COL1A1: variants seen among roughly 807,000 people sequenced by gnomAD.
The protein encoded by COL1A1 is collagen type I alpha 1 chain.
In COL1A1, 21 loss-of-function variants were observed where a neutral mutation model predicts 195.7. The observed-to-expected ratio is 0.11, with a 90% confidence interval of 0.08 to 0.15. The LOEUF (loss-of-function observed/expected upper bound fraction) is 0.15, where lower values mean the gene tolerates loss of function less well. Among genes scored for constraint, COL1A1 ranks in the 10% least tolerant of loss-of-function variants. The probability of loss-of-function intolerance (pLI) is 1.00; values close to 1 mark genes in which losing one functional copy is unlikely to be tolerated. For synonymous variants in COL1A1, 749 were observed against 747.3 expected (o/e 1.00, Z -0.04); for missense variants, 1,365 against 2,051.0 (o/e 0.67, Z 6.46).
Position 50,184,472 on chromosome 17 carries a change from CCA to C in COL1A1, c.*1028_*1029del, listed in dbSNP as rs878983048. On this transcript the variant is annotated 3_prime_UTR_variant, in exon 51 of 51. Coordinates refer to ENST00000225964, the MANE Select transcript of COL1A1 (RefSeq NM_000088.4). The stretch of plus-strand genomic sequence containing the variant: ...TTTAGAAAAATTCACAAGTCCCCAT[CCA>C]CAAAAAAAAAAAAAAAAAAAGAAAA... 1.1e-3 allele frequency: 209 copies of C among 196,578 alleles called. No individual in the cohort carries two copies. The highest frequency in any genetic ancestry group is 3.9e-3 in the East Asian group (61 of 15,518). The allele number at this position is 196,578 out of a possible 1,614,324, so 12.2% of individuals were successfully genotyped here.
chr17:50,191,718 C>A, intron 31 of COL1A1, 70 bp downstream of exon 31: 3 of 1,505,214 alleles, frequency 2.0e-6, no homozygotes, highest in Non-Finnish European at 2.7e-6. Context: ...GGCCCGCCAT[C>A]CCCTGCTGCA....
Position 50,188,201 on chromosome 17 carries a change from G to A in COL1A1, c.3208-52C>T. On this transcript the variant is annotated intron_variant, in intron 43 of 50. Transcript: ENST00000225964. This position sits in a 1 kb window ranked among gnomAD's most constrained non-coding sequence, Gnocchi z 5.6. ...TCTTGGCCAGGGAAGGCTGAGGCTGGGGCTGCAGGATGAGGCCTCCCCTCT... is the reference window on the plus strand; with the variant it reads ...TCTTGGCCAGGGAAGGCTGAGGCTGAGGCTGCAGGATGAGGCCTCCCCTCT... 1 of 1,486,542 alleles carries A rather than the reference G, an allele frequency of 6.7e-7. No homozygotes were observed. Among genetic ancestry groups the A allele is most frequent in the South Asian group, 1.3e-5 (1 of 77,944 alleles). The allele number at this position is 1,486,542 out of a possible 1,614,324, so 92.1% of individuals were successfully genotyped here.
Position 50,194,834 on chromosome 17 carries a change from G to A in COL1A1, c.1354-6C>T. Reference sequence around the variant, plus strand: ...CCTTGAACACCAACAGGGCCCTGGAGAGGGCCGAGAGGAGGAGGCGGCCTG... The same window carrying A: ...CCTTGAACACCAACAGGGCCCTGGAAAGGGCCGAGAGGAGGAGGCGGCCTG... On this transcript the variant is annotated splice_polypyrimidine_tract_variant and splice_region_variant and intron_variant, in intron 20 of 50. Coordinates refer to ENST00000225964, the MANE Select transcript of COL1A1 (RefSeq NM_000088.4). The surrounding 1 kb of genome is among the most constrained non-coding windows in gnomAD (Gnocchi z 6.8). The A allele has an allele frequency of 6.4e-7, 1 of 1,567,706 alleles. No homozygotes were observed. Among genetic ancestry groups the A allele is most frequent in the Non-Finnish European group, 8.7e-7 (1 of 1,155,760 alleles).
rs2075555 is a variant in COL1A1, at chr17:50,196,930, T to G, written c.804+80A>C. ...TGCCACCCACCATGATGCAACTCAG[T>G]ATCTTTTGGGGAAGAGGTTGGGACT... is the stretch of plus-strand genomic sequence containing the variant. On this transcript the variant is annotated intron_variant, in intron 11 of 50. Transcript: ENST00000225964. The G allele has an allele frequency of 0.84, 1,277,058 of 1,518,086 alleles. 540,505 individuals are homozygous for G. Among genetic ancestry groups the G allele is most frequent in the Non-Finnish European group, 0.87 (953,083 of 1,095,722 alleles). 94.0% of individuals were successfully genotyped at this position (1,518,086 alleles called of 1,614,324 possible). A position where few individuals can be genotyped will look rare whatever the true frequency, so the allele number is the denominator to read the frequency against.
In COL1A1 at chr17:50,188,201, G is replaced by C; in HGVS notation, c.3208-52C>G. ...TCTTGGCCAGGGAAGGCTGAGGCTG[G>C]GGCTGCAGGATGAGGCCTCCCCTCT... On this transcript the variant is annotated intron_variant, in intron 43 of 50. Coordinates refer to ENST00000225964, the MANE Select transcript of COL1A1 (RefSeq NM_000088.4). This position sits in a 1 kb window ranked among gnomAD's most constrained non-coding sequence, Gnocchi z 5.6. 1.3e-6 allele frequency: 2 copies of C among 1,486,540 alleles called. No homozygotes were observed. The highest frequency in any genetic ancestry group is 1.8e-6 in the Non-Finnish European group (2 of 1,102,910). 92.1% of individuals were successfully genotyped at this position (1,486,540 alleles called of 1,614,324 possible).
Position 50,194,963 on chromosome 17 carries a change from G to T in COL1A1, c.1353+84C>A. On this transcript the variant is annotated intron_variant, in intron 20 of 50. Coordinates refer to ENST00000225964, the MANE Select transcript of COL1A1 (RefSeq NM_000088.4). The surrounding 1 kb of genome is among the most constrained non-coding windows in gnomAD (Gnocchi z 6.8). The stretch of plus-strand genomic sequence containing the variant: ...CAGGGACTCCCCCAGAAGACTAGGG[G>T]CTCCTCTTCCTTTCTGGATTTCCCT... 3 of 1,498,486 alleles carry T rather than the reference G, an allele frequency of 2.0e-6. No homozygotes were observed. The highest frequency in any genetic ancestry group is 1.1e-5 in the South Asian group (1 of 88,790). 92.8% of individuals were successfully genotyped at this position (1,498,486 alleles called of 1,614,324 possible). A position where few individuals can be genotyped will look rare whatever the true frequency, so the allele number is the denominator to read the frequency against.
chr17:50,189,871 G>A lies in COL1A1; in HGVS notation c.2601C>T (p.Ser867=), dbSNP rs747037929. 18 of 1,607,358 alleles carry A rather than the reference G, an allele frequency of 1.1e-5. No individual in the cohort carries two copies. The Admixed American group carries it at 1.5e-4, about 14-fold the overall frequency. ...GAPGAKGARG[S]AGPPGATGFP... The stretch of plus-strand genomic sequence containing the variant: ...GGGTGATACTCACAGGGGGACCAGC[G>A]CTGCCGCGAGCACCTTTGGCTCCAG... Residue 867 remains serine, a synonymous_variant, in exon 37 of 51, where the codon AGC becomes AGT. Transcript: ENST00000225964. The surrounding 1 kb of genome is among the most constrained non-coding windows in gnomAD (Gnocchi z 5.5).
At position 50,190,354 on chromosome 17, in the gene COL1A1, G is replaced by A. The variant is rs369699409; in HGVS notation, c.2424C>T (p.Pro808=). The change falls in exon 35 of 51, where the codon CCC becomes CCT. Residue 808 remains proline, a synonymous_variant. Transcript: ENST00000225964. This position sits in a 1 kb window ranked among gnomAD's most constrained non-coding sequence, Gnocchi z 4.7. ...APGDRGEPGP[P]GPAGFAGPPG... ...GGGGGCCAGCAAAGCCAGCAGGGCC[G>A]GGGGGACCAGGCTCACCACGGTCTC... The A allele has an allele frequency of 6.0e-5, 96 of 1,605,668 alleles. 1 individual carries two copies. Among genetic ancestry groups the A allele is most frequent in the Admixed American group, 1.2e-4 (7 of 59,884 alleles).
At chr17:50,191,943 C>T (rs373802214) in intron 30 of COL1A1, 37 bp downstream of exon 30, 127 of 1,610,540 alleles carry the variant, frequency 7.9e-5, no homozygotes, top group Non-Finnish European at 1.0e-4. Flanking sequence ...CCAAGTACGA[C>T]GCACCTTGAC....
intron 6 of COL1A1, 102 bp downstream of exon 6, chr17:50,198,331 G>A (rs1907780703): frequency 6.5e-7 from 1 of 1,540,168 alleles, no homozygotes. Flanking sequence ...AGGTCCCAAA[G>A]GTGATCTGGA....
chr17:50,188,508 G>A lies in COL1A1; in HGVS notation c.3207+22C>T. 1 of 1,609,712 alleles carries A rather than the reference G, an allele frequency of 6.2e-7. No individual in the cohort carries two copies. Among genetic ancestry groups the A allele is most frequent in the South Asian group, 1.1e-5 (1 of 91,000 alleles). On this transcript the variant is annotated intron_variant, in intron 43 of 50. Coordinates refer to ENST00000225964, the MANE Select transcript of COL1A1 (RefSeq NM_000088.4). This position sits in a 1 kb window ranked among gnomAD's most constrained non-coding sequence, Gnocchi z 5.6. ...AGTCCCTGGCCTGACCAGGTACAGG[G>A]AACTGGAGCCCAGCTACTTACAGTC...
intron 8 of COL1A1, 76 bp from the exon 9 acceptor site, chr17:50,197,861 G>A (rs1907730957): frequency 1.3e-6 from 2 of 1,584,304 alleles, no homozygotes; most frequent in South Asian, 2.2e-5. Flanking sequence ...AAGGGAAGAG[G>A]TAAGGAAGAC....
At position 50,188,569 on chromosome 17, in the gene COL1A1, G is replaced by A. The variant is rs913216741; in HGVS notation, c.3168C>T (p.Pro1056=). 5.6e-6 allele frequency: 9 copies of A among 1,613,904 alleles called. No individual in the cohort carries two copies. The highest frequency in any genetic ancestry group is 2.2e-5 in the East Asian group (1 of 44,882). The part of the protein sequence containing the change: ...GAPGAPGAPG[P]VGPAGKSGDR... ...CACCACTCTTGCCAGCAGGGCCAAC[G>A]GGGCCAGGGGCACCAGGAGCACCAG... is the stretch of plus-strand genomic sequence containing the variant. Residue 1056 remains proline (P), a synonymous_variant, in exon 43 of 51, where the codon CCC becomes CCT. Transcript: ENST00000225964. The surrounding 1 kb of genome is among the most constrained non-coding windows in gnomAD (Gnocchi z 5.6).
intron 2 of COL1A1, 67 bp downstream of exon 2, chr17:50,199,686 A>G: frequency 6.3e-7 from 1 of 1,597,782 alleles, no homozygotes; most frequent in South Asian, 1.1e-5. Flanking sequence ...AGCGCCGACC[A>G]CCCCCAGCCC....
intron 15 of COL1A1, 82 bp downstream of exon 15, chr17:50,196,073 C>A (rs1200415025): frequency 1.2e-6 from 2 of 1,607,512 alleles, no homozygotes; most frequent in African/African-American, 2.7e-5. Context: ...ACCAACATAA[C>A]CTGCTCCCAT....
Position 50,187,523 on chromosome 17 carries a change from T to C in COL1A1, c.3384A>G (p.Glu1128=), listed in dbSNP as rs1339892352. The C allele has an allele frequency of 6.2e-7, 1 of 1,614,004 alleles. No homozygotes were observed. Among genetic ancestry groups the C allele is most frequent in the Non-Finnish European group, 8.5e-7 (1 of 1,179,980 alleles). The change falls in exon 46 of 51, where the codon GAA becomes GAG. Residue 1128 remains glutamate (E), a synonymous_variant. Transcript: ENST00000225964. Reference sequence around the variant, plus strand: ...GACCAGAGGCTCCAGAGGGACCTTGTTCACCAGGAGAGCCCTGAAGGACAG... The same window carrying C: ...GACCAGAGGCTCCAGAGGGACCTTGCTCACCAGGAGAGCCCTGAAGGACAG... The part of the protein sequence containing the change: ...GPPGPPGSPG[E]QGPSGASGPA...
chr17:50,199,485 C>T (rs1262729395), intron 3 of COL1A1, 32 bp from the exon 4 acceptor site: 3 of 1,614,142 alleles, frequency 1.9e-6, no homozygotes, highest in Non-Finnish European at 2.5e-6. Context: ...AACAAGAGGC[C>T]AGGTTAGAGA....
Position 50,185,271 on chromosome 17 carries a change from T to TTC in COL1A1, c.*230_*231insGA, listed in dbSNP as rs1281277059. ...ATTTATTTATTCTTTTTTTTTTTTT[T>TTC]TTTTTGGTAAGGTTGAATGCACTTT... On this transcript the variant is annotated 3_prime_UTR_variant, in exon 51 of 51. Transcript: ENST00000225964. 1 of 294,026 alleles carries TTC rather than the reference T, an allele frequency of 3.4e-6. No individual in the cohort carries two copies. The highest frequency in any genetic ancestry group is 5.0e-5 in the East Asian group (1 of 20,062). The allele number at this position is 294,026 out of a possible 1,614,324, so 18.2% of individuals were successfully genotyped here.
In COL1A1 at chr17:50,195,186, T is replaced by C; in HGVS notation, c.1299+46A>G. The C allele has an allele frequency of 6.2e-7, 1 of 1,607,454 alleles. No individual in the cohort carries two copies. Among genetic ancestry groups the C allele is most frequent in the Non-Finnish European group, 8.5e-7 (1 of 1,174,440 alleles). On this transcript the variant is annotated intron_variant, in intron 19 of 50. Transcript: ENST00000225964. The surrounding 1 kb of genome is among the most constrained non-coding windows in gnomAD (Gnocchi z 4.3). ...CCTGCTCCCCAGATGAGAGCCGCAC[T>C]GGAGCCAGTGCATGGGGTGGGCAGA...
Sources: gnomAD v4.1 joint callset for allele counts on GRCh38, gnomAD v4.1.1 for gene constraint, Gnocchi (gnomAD v3.1) non-coding constraint, MANE v1.5 for transcripts, NCBI Gene and HGNC (gene_info 2026-07-23, HGNC 2026-07-21) for gene names.